The following ZNF534 variants were observed in gnomAD, a reference collection of about 807,000 sequenced individuals.
ZNF534 encodes the protein KRAB domain only 3.
Under a neutral mutation model 13.6 loss-of-function variants are expected in ZNF534, and 19 were observed. That is an observed-to-expected ratio of 1.40 (90% CI 0.97 to 2.05). The LOEUF is 2.05. ZNF534 is among the 30% of genes most tolerant of loss of function. ZNF534 has a pLI of 0.00. For synonymous variants in ZNF534, 244 were observed against 273.8 expected (o/e 0.89, Z 1.07); for missense variants, 782 against 796.3 (o/e 0.98, Z 0.22).
At chr19:52,434,730 C>CAA (rs772851558) in intron 3 of ZNF534, among the ~76,000 whole-genome samples, 4 of 69,970 alleles carry the variant, frequency 5.7e-5, no homozygotes, top group East Asian at 3.9e-4. Flanking sequence ...GACTCTGTCT[C>CAA]AAAAAAAAAA....
At position 52,442,094 on chromosome 19, in the gene ZNF534, GGA is replaced by G. The variant is rs2059176773; in HGVS notation, c.*2649_*2650del. 6.6e-6 allele frequency among the ~76,000 whole-genome samples: 1 copy of G among 152,156 alleles called. No individual in the cohort carries two copies. The highest frequency in any genetic ancestry group is 1.5e-5 in the Non-Finnish European group (1 of 68,042). ...GACACAGATGGATTGTATATGCTGA[GGA>G]TATCCAAGGACCATTACTATAGAAC... On this transcript the variant is annotated 3_prime_UTR_variant, in exon 5 of 5. Transcript: ENST00000433050.
intron 1 of ZNF534, among the ~76,000 whole-genome samples, chr19:52,430,032 T>C (rs2059077003): frequency 6.6e-6 from 1 of 152,078 alleles, no homozygotes. Flanking sequence ...TTGGGTTTTT[T>C]TGAGACAGAG....
At chr19:52,433,320 A>G (rs1163370133) in intron 2 of ZNF534, among the ~76,000 whole-genome samples, 1 of 151,348 alleles carries the variant, frequency 6.6e-6, no homozygotes, top group Non-Finnish European at 1.5e-5. Flanking sequence ...TCAGGTAGAT[A>G]CTAAATGTCA....
intron 3 of ZNF534, among the ~76,000 whole-genome samples, chr19:52,434,313 C>T (rs2059113816): frequency 6.6e-6 from 1 of 151,606 alleles, no homozygotes. Flanking sequence ...GAAACCCCAT[C>T]TCTACTAAAG....
intron 4 of ZNF534, chr19:52,451,180 C>T (rs1166006600): frequency 8.9e-6 from 6 of 677,726 alleles, no homozygotes; most frequent in Non-Finnish European, 1.6e-5. Context: ...TAATTTTCTA[C>T]CCATAGATTT....
chr19:52,436,874 A>G (rs1407671383), intron 4 of ZNF534, among the ~76,000 whole-genome samples: 3 of 151,498 alleles, frequency 2.0e-5, no homozygotes, highest in African/African-American at 7.3e-5. Context: ...TATTTCTGTT[A>G]TCTTTTAGTT....
intron 3 of ZNF534, 86 bp from the exon 4 acceptor site, chr19:52,434,995 T>C: frequency 1.4e-6 from 2 of 1,447,108 alleles, no homozygotes; most frequent in Non-Finnish European, 9.2e-7. Flanking sequence ...CTTGATTAAT[T>C]TGTAATATGC....
intron 2 of ZNF534, among the ~76,000 whole-genome samples, chr19:52,432,104 A>C (rs1169159939): frequency 6.6e-6 from 1 of 151,630 alleles, no homozygotes; most frequent in Admixed American, 6.6e-5. Context: ...ATTTATCAGG[A>C]TGTTCAAATT....
At position 52,441,947 on chromosome 19, in the gene ZNF534, A is replaced by G. The variant is rs921785822; in HGVS notation, c.*2501A>G. 1.3e-5 allele frequency among the ~76,000 whole-genome samples: 2 copies of G among 152,230 alleles called. No individual in the cohort carries two copies. The highest frequency in any genetic ancestry group is 4.8e-5 in the African/African-American group (2 of 41,462). ...GTACGGAAAGCTCGTCATGAGTTTTAGCATTAATGAACATCAGAGGTTCCA... is the reference window on the plus strand; with the variant it reads ...GTACGGAAAGCTCGTCATGAGTTTTGGCATTAATGAACATCAGAGGTTCCA... On this transcript the variant is annotated 3_prime_UTR_variant, in exon 5 of 5. Transcript: ENST00000433050.
At chr19:52,437,644 G>A in intron 4 of ZNF534, 88 bp from the exon 5 acceptor site, 2 of 1,267,490 alleles carry the variant, frequency 1.6e-6, no homozygotes, top group Non-Finnish European at 2.1e-6. Context: ...TTCAATGTCT[G>A]AGTGAAGTGA....
At chr19:52,436,448 A>AG (rs1190960973) in intron 4 of ZNF534, among the ~76,000 whole-genome samples, 1 of 152,146 alleles carries the variant, frequency 6.6e-6, no homozygotes, top group East Asian at 1.9e-4. Context: ...GGCTAATTTT[A>AG]GTAATGGTCA....
At position 52,440,858 on chromosome 19, in the gene ZNF534, G is replaced by C. The variant is rs2059167796; in HGVS notation, c.*1412G>C. 6.6e-6 allele frequency among the ~76,000 whole-genome samples: 1 copy of C among 151,408 alleles called. No individual in the cohort carries two copies. The highest frequency in any genetic ancestry group is 6.6e-5 in the Admixed American group (1 of 15,170). ...CGGCAGAGCATTGAGAAGGTGTTCA[G>C]GTCTTAACTGTTCATTTTGTAATCC... On this transcript the variant is annotated 3_prime_UTR_variant, in exon 5 of 5. Coordinates refer to ENST00000433050, the MANE Select transcript of ZNF534 (RefSeq NM_001143938.3).
rs1455755087 is a variant in ZNF534, at chr19:52,432,169, AGAGGCAAT to A, written c.15+690_15+697del. Among the ~76,000 whole-genome samples, 56 of 152,222 alleles carry A rather than the reference AGAGGCAAT, an allele frequency of 3.7e-4. 1 individual carries two copies. Among genetic ancestry groups the A allele is most frequent in the African/African-American group, 1.1e-3 (44 of 41,530 alleles). ...GGCATCATACCTGATAGTGGCTATAAGAGGCAATGAGGCAATGGCTATAAGAACATTAT... is the reference window on the plus strand; with the variant it reads ...GGCATCATACCTGATAGTGGCTATAAGAGGCAATGGCTATAAGAACATTAT... On this transcript the variant is annotated intron_variant, in intron 2 of 4. Transcript: ENST00000433050.
At chr19:52,432,283 AGTT>A (rs1470366495) in intron 2 of ZNF534, among the ~76,000 whole-genome samples, 1 of 152,046 alleles carries the variant, frequency 6.6e-6, no homozygotes, top group African/African-American at 2.4e-5. Flanking sequence ...TAATCCTTGA[AGTT>A]GTTTTAAATT....
At chr19:52,442,637 CT>C (rs1459675497), downstream of ZNF534, among the ~76,000 whole-genome samples, 26 of 152,180 alleles carry the variant, frequency 1.7e-4, no homozygotes, top group African/African-American at 6.0e-4. Context: ...CAGAAAGCTA[CT>C]TTCCTCTTTA....
rs2059163030 is a variant in ZNF534 at position 52,440,130 on chromosome 19, C to A, written c.*684C>A. Among the ~76,000 whole-genome samples, 1 of 152,180 alleles carries A rather than the reference C, an allele frequency of 6.6e-6. No homozygotes were observed. Among genetic ancestry groups the A allele is most frequent in the Non-Finnish European group, 1.5e-5 (1 of 68,028 alleles). ...AAGTAATAAATATGGCAAAGAATTT[C>A]ATATGAAATCATGCCTCTCTACCCA... On this transcript the variant is annotated 3_prime_UTR_variant, in exon 5 of 5. Transcript: ENST00000433050.
chr19:52,451,041 G>T (rs1251273321), intron 4 of ZNF534: 3 of 475,330 alleles, frequency 6.3e-6, no homozygotes. Context: ...TTTTGAAAGA[G>T]AATGTGTTGA....
chr19:52,451,500 C>T (rs2059216465), exon 5 of ZNF534: 2 of 578,666 alleles, frequency 3.5e-6, no homozygotes, highest in South Asian at 4.2e-5. Flanking sequence ...GGAGCTAAGA[C>T]ACCCGCCGTT....
chr19:52,431,440 A>T lies in ZNF534; in HGVS notation c.-35A>T, dbSNP rs748634622. Reference sequence around the variant, plus strand: ...TTTCAAAGAGACATATTATGCAAGGAAGCAACTCGGAAGAGGAAAGAAAGG... The same window carrying T: ...TTTCAAAGAGACATATTATGCAAGGTAGCAACTCGGAAGAGGAAAGAAAGG... On this transcript the variant is annotated 5_prime_UTR_variant, in exon 2 of 5. Coordinates refer to ENST00000433050, the MANE Select transcript of ZNF534 (RefSeq NM_001143938.3). 2 of 1,613,784 alleles carry T rather than the reference A, an allele frequency of 1.2e-6. No individual in the cohort carries two copies. Among genetic ancestry groups the T allele is most frequent in the African/African-American group, 2.7e-5 (2 of 74,914 alleles).
Sources: allele counts gnomAD v4.1 joint callset (sites outside exome capture counted in the v4.1 genomes callset), GRCh38; gene constraint gnomAD v4.1.1; transcripts MANE v1.5; gene names NCBI Gene and HGNC (gene_info 2026-07-23, HGNC 2026-07-21).